Variants in RERE observed in about 807,000 individuals in gnomAD.
RERE encodes arginine-glutamic acid dipeptide repeats protein.
A neutral mutation model predicts 146.1 loss-of-function variants in RERE; 40 were observed. That is an observed-to-expected ratio of 0.27 (90% CI 0.21 to 0.36). The LOEUF (loss-of-function observed/expected upper bound fraction) is 0.36, where lower values mean the gene tolerates loss of function less well. Ranked by LOEUF, RERE falls within the 10% of genes least tolerant of loss-of-function variation. The pLI is 1.00. For synonymous variants in RERE, 1,003 were observed against 866.0 expected, an observed-to-expected ratio of 1.16 and a Z score of -2.78; for missense variants, 1,933 against 2,138.7, an observed-to-expected ratio of 0.90 and a Z score of 1.90.
At chr1:8,479,212 C>T (rs1181894823) in intron 10 of RERE, among the ~76,000 whole-genome samples, 1 of 151,980 alleles carries the variant, frequency 6.6e-6, no homozygotes, top group Non-Finnish European at 1.5e-5. Flanking sequence ...CAGTGAGCCC[C>T]TGTCTCTACA....
intron 2 of RERE, among the ~76,000 whole-genome samples, chr1:8,636,815 G>C (rs969216507): frequency 6.6e-6 from 1 of 152,148 alleles, no homozygotes; most frequent in African/African-American, 2.4e-5. Context: ...AGGTGGAGCA[G>C]GAGATAGAGC....
At position 8,718,577 on chromosome 1, in the gene RERE, C is replaced by G. The variant is rs146523787; in HGVS notation, c.-144-62136G>C. Among the ~76,000 whole-genome samples the G allele has an allele frequency of 3.5e-3, 531 of 152,242 alleles. 1 individual carries two copies. The highest frequency in any genetic ancestry group is 0.012 in the African/African-American group (496 of 41,540). The stretch of plus-strand genomic sequence containing the variant: ...CATCAATAGTGAAGTTTAGTCCTAC[C>G]TATTTTGCTGGGTGATTTTAAATGG... On this transcript the variant is annotated intron_variant, in intron 1 of 22. Transcript: ENST00000400908.
intron 7 of RERE, among the ~76,000 whole-genome samples, chr1:8,529,752 G>A (rs1422795991): frequency 6.6e-6 from 1 of 151,834 alleles, no homozygotes. Flanking sequence ...TATAGGATCA[G>A]TCCTCCTCCT....
intron 10 of RERE, among the ~76,000 whole-genome samples, chr1:8,490,500 C>T (rs1644967035): frequency 6.7e-6 from 1 of 150,324 alleles, no homozygotes; most frequent in Admixed American, 6.6e-5. Context: ...GTTGAAAAAA[C>T]TTTTATTTAT....
intron 1 of RERE, among the ~76,000 whole-genome samples, chr1:8,734,465 G>A (rs970529153): frequency 6.6e-6 from 1 of 152,128 alleles, no homozygotes; most frequent in African/African-American, 2.4e-5. Flanking sequence ...GCTTATGGAA[G>A]TGAATCCAGA....
intron 4 of RERE, among the ~76,000 whole-genome samples, chr1:8,594,188 A>G (rs1646528446): frequency 6.6e-6 from 1 of 152,166 alleles, no homozygotes; most frequent in Admixed American, 6.5e-5. Context: ...TATGGAAACT[A>G]ATGTCCTAAA....
chr1:8,413,747 C>G (rs1557619412), intron 12 of RERE, among the ~76,000 whole-genome samples: 1 of 151,950 alleles, frequency 6.6e-6, no homozygotes, highest in Admixed American at 6.6e-5. Flanking sequence ...GCAGCCCCAG[C>G]AAGACCGTTA....
chr1:8,498,732 T>TACACACAC (rs1553175300), intron 8 of RERE, among the ~76,000 whole-genome samples: 4,290 of 107,562 alleles, frequency 0.04, 183 homozygotes, highest in Admixed American at 0.086. Flanking sequence ...AATAAATATA[T>TACACACAC]ACACACACAC....
rs764812789 is a variant in RERE at position 8,358,850 on chromosome 1, G to A, written c.3685C>T (p.Arg1229Trp). Residue 1229 changes from arginine to tryptophan, a missense_variant, in exon 20 of 23, where the codon CGG becomes TGG. Around this residue, in one of 11 missense-constraint regions of RERE, gnomAD observed 1,255 missense variants for 1,153.8 expected, o/e 1.09. Transcript: ENST00000400908. ...GTTGGTGGTGGCTCGAAGGATGGCC[G>A]CATGTGGCCAGGACCACTGAGCTGT... ...DPQLSGPGHM[R>W]PSFEPPPTTI... is the part of the protein sequence containing the mutation. The A allele has an allele frequency of 2.5e-6, 4 of 1,601,298 alleles. No homozygotes were observed. The highest frequency in any genetic ancestry group is 2.2e-5 in the East Asian group (1 of 44,784).
At chr1:8,418,407 G>C (rs1643835922) in intron 12 of RERE, among the ~76,000 whole-genome samples, 1 of 152,176 alleles carries the variant, frequency 6.6e-6, no homozygotes, top group South Asian at 2.1e-4. Flanking sequence ...CTAACACTTT[G>C]GGAACACCTC....
chr1:8,363,912 T>C (rs1641694449), intron 15 of RERE, 144 bp downstream of exon 15: 8 of 739,286 alleles, frequency 1.1e-5, no homozygotes, highest in Non-Finnish European at 6.6e-6. Flanking sequence ...ACAGGCAAGC[T>C]ACCGCCTCGG....
intron 12 of RERE, among the ~76,000 whole-genome samples, chr1:8,370,011 C>T (rs1304659322): frequency 6.6e-6 from 1 of 151,788 alleles, no homozygotes; most frequent in African/African-American, 2.4e-5. Flanking sequence ...AGGATGGTCT[C>T]GATCTCCTGA....
intron 4 of RERE, among the ~76,000 whole-genome samples, chr1:8,594,566 G>A (rs1646532837): frequency 1.3e-5 from 2 of 152,150 alleles, no homozygotes; most frequent in East Asian, 1.9e-4. Context: ...AATATAGCAA[G>A]TGAACTATGA....
intron 4 of RERE, among the ~76,000 whole-genome samples, chr1:8,564,826 A>ATATGTATGTGTG (rs1384858524): frequency 1.7e-5 from 2 of 117,838 alleles, no homozygotes; most frequent in Admixed American, 8.4e-5. Flanking sequence ...GTGTGTGTAT[A>ATATGTATGTGTG]TGTGTATGTG....
At chr1:8,517,254 CATG>C (rs1442953914) in intron 7 of RERE, among the ~76,000 whole-genome samples, 1 of 152,146 alleles carries the variant, frequency 6.6e-6, no homozygotes, top group Non-Finnish European at 1.5e-5. Flanking sequence ...GAACACCAGA[CATG>C]AGAAAAGCTG....
chr1:8,365,285 A>G (rs1033421725), intron 13 of RERE, among the ~76,000 whole-genome samples: 1 of 152,206 alleles, frequency 6.6e-6, no homozygotes, highest in East Asian at 1.9e-4. Flanking sequence ...GGGCCAGGAC[A>G]GAGCTATAAG....
chr1:8,534,676 A>C (rs930116190), intron 7 of RERE, among the ~76,000 whole-genome samples: 2 of 152,188 alleles, frequency 1.3e-5, no homozygotes, highest in Non-Finnish European at 2.9e-5. Flanking sequence ...TATTCCGCTA[A>C]ATAAATGAAT....
intron 1 of RERE, among the ~76,000 whole-genome samples, chr1:8,680,736 T>C (rs1043909438): frequency 1.3e-5 from 2 of 152,154 alleles, no homozygotes; most frequent in Non-Finnish European, 2.9e-5. Flanking sequence ...AGGAAAAGAA[T>C]TGTACCTCCT....
intron 11 of RERE, among the ~76,000 whole-genome samples, chr1:8,429,499 C>T (rs781495711): frequency 7.2e-5 from 11 of 152,218 alleles, no homozygotes; most frequent in Admixed American, 6.5e-4. Flanking sequence ...CTCATTCTGG[C>T]GTCATCCCAG....
Sources: allele counts gnomAD v4.1 joint callset (sites outside exome capture counted in the v4.1 genomes callset), GRCh38; gene constraint gnomAD v4.1.1; regional missense constraint gnomAD v4.1.1; transcripts MANE v1.5; gene names NCBI Gene and HGNC (gene_info 2026-07-23, HGNC 2026-07-21).